Variants in MAML2 observed in about 807,000 individuals in gnomAD.
MAML2 encodes the protein mastermind like transcriptional coactivator 2.
In MAML2, 22 loss-of-function variants were observed where a neutral mutation model predicts 96.1. That is an observed-to-expected ratio of 0.23 (90% CI 0.16 to 0.33). The LOEUF (loss-of-function observed/expected upper bound fraction) is 0.33. MAML2 is among the 10% of genes least tolerant of loss of function. The probability of loss-of-function intolerance (pLI) is 1.00; values close to 1 mark genes in which losing one functional copy is unlikely to be tolerated. For synonymous variants in MAML2, 561 were observed against 521.3 expected, an observed-to-expected ratio of 1.08 and a Z score of -1.04; for missense variants, 1,367 against 1,392.4, an observed-to-expected ratio of 0.98 and a Z score of 0.29.
chr11:96,113,498 C>A (rs532601548), intron 1 of MAML2, among the ~76,000 whole-genome samples: 77 of 151,442 alleles, frequency 5.1e-4, no homozygotes, highest in African/African-American at 1.8e-3. Context: ...ACCAGCTTCC[C>A]TGAAGTAGAT....
At chr11:96,160,452 G>C (rs1861085696) in intron 1 of MAML2, among the ~76,000 whole-genome samples, 1 of 148,380 alleles carries the variant, frequency 6.7e-6, no homozygotes, top group Non-Finnish European at 1.5e-5. Context: ...TTTGGAGACA[G>C]AGTCTTACTC....
chr11:96,228,992 GTC>G (rs1229510916), intron 1 of MAML2, among the ~76,000 whole-genome samples: 2 of 151,154 alleles, frequency 1.3e-5, no homozygotes, highest in African/African-American at 4.9e-5. Flanking sequence ...ATGCTCCCTA[GTC>G]TCTCACCTCC....
intron 2 of MAML2, among the ~76,000 whole-genome samples, chr11:96,059,554 T>A (rs182410205): frequency 2.6e-5 from 4 of 152,260 alleles, no homozygotes; most frequent in Non-Finnish European, 5.9e-5. Flanking sequence ...AAGTTGAGTA[T>A]CCCTTATCTG....
At chr11:96,229,455 C>T (rs982779334) in intron 1 of MAML2, among the ~76,000 whole-genome samples, 7 of 150,668 alleles carry the variant, frequency 4.6e-5, no homozygotes, top group Admixed American at 4.6e-4. Flanking sequence ...TCTGAATCTC[C>T]ACTCTCTACC....
rs565665188 is a variant in MAML2, at chr11:96,171,922, A to T, written c.514-78405T>A. 2.4e-4 allele frequency among the ~76,000 whole-genome samples: 36 copies of T among 152,318 alleles called. No individual in the cohort carries two copies. In the South Asian group the frequency reaches 7.2e-3, roughly 31 times the overall value. ...TGGTGTCACAAGGGCTGGGATGCTA[A>T]CCCCTAAATCTGACAACTTTGGTGA... On this transcript the variant is annotated intron_variant, in intron 1 of 4. Coordinates refer to ENST00000524717, the MANE Select transcript of MAML2 (RefSeq NM_032427.4).
chr11:96,092,034 GGTT>G lies in MAML2; in HGVS notation c.1994_1996del (p.Gln665del). ...TAGAGATTGGGCAGGCTGAGAAGAT[GGTT>G]GTTGCTGCTGCTGCTGCTGCTGTTG... On this transcript the variant is annotated inframe_deletion, in exon 2 of 5. Coordinates refer to ENST00000524717, the MANE Select transcript of MAML2 (RefSeq NM_032427.4). This position sits in a 1 kb window ranked among gnomAD's most constrained non-coding sequence, Gnocchi z 4.1. 1 of 1,558,610 alleles carries G rather than the reference GGTT, an allele frequency of 6.4e-7. No homozygotes were observed. Among genetic ancestry groups the G allele is most frequent in the African/African-American group, 1.4e-5 (1 of 72,346 alleles).
intron 1 of MAML2, among the ~76,000 whole-genome samples, chr11:96,239,328 G>C (rs1862402072): frequency 6.6e-6 from 1 of 152,218 alleles, no homozygotes; most frequent in Non-Finnish European, 1.5e-5. Context: ...AGAGACGGAA[G>C]TGAATAGCTG....
intron 1 of MAML2, among the ~76,000 whole-genome samples, chr11:96,166,120 CTG>C (rs1340999666): frequency 2.0e-5 from 3 of 150,310 alleles, no homozygotes; most frequent in African/African-American, 7.3e-5. Flanking sequence ...CTCTTCCTCT[CTG>C]TCTCTCTTTC....
chr11:96,306,676 C>A (rs1343190063), intron 1 of MAML2, among the ~76,000 whole-genome samples: 1 of 152,140 alleles, frequency 6.6e-6, no homozygotes, highest in Non-Finnish European at 1.5e-5. Flanking sequence ...AAGAAACCTT[C>A]CCAAACTTAC....
chr11:96,146,039 T>C lies in MAML2; in HGVS notation c.514-52522A>G, dbSNP rs927400317. Among the ~76,000 whole-genome samples the C allele has an allele frequency of 3.3e-5, 5 of 152,254 alleles. No homozygotes were observed. In the East Asian group the frequency reaches 9.7e-4, roughly 29 times the overall value. ...AAAAAATTGTATACTTACACGTGTG[T>C]GTGCCACACACAAACATTGTGACAT... On this transcript the variant is annotated intron_variant, in intron 1 of 4. Transcript: ENST00000524717.
At chr11:96,334,762 G>A (rs528991072) in intron 1 of MAML2, among the ~76,000 whole-genome samples, 1 of 152,312 alleles carries the variant, frequency 6.6e-6, no homozygotes, top group East Asian at 1.9e-4. Flanking sequence ...CAATCTTGAC[G>A]TAAGAGTTTA....
intron 1 of MAML2, among the ~76,000 whole-genome samples, chr11:96,159,719 C>T (rs1236577821): frequency 3.3e-5 from 5 of 152,228 alleles, no homozygotes; most frequent in East Asian, 1.9e-4. Context: ...CGACCGCGCC[C>T]GGCCTAAACC....
At chr11:96,090,731 G>A (rs952802607) in intron 2 of MAML2, among the ~76,000 whole-genome samples, 7 of 152,174 alleles carry the variant, frequency 4.6e-5, no homozygotes, top group African/African-American at 1.7e-4. Context: ...TGTGCTTAGT[G>A]CATAACTTTT....
intron 1 of MAML2, among the ~76,000 whole-genome samples, chr11:96,227,585 T>A (rs953170535): frequency 6.6e-6 from 1 of 152,204 alleles, no homozygotes; most frequent in Non-Finnish European, 1.5e-5. Flanking sequence ...AATCTCACTA[T>A]CCAATTATGT....
intron 2 of MAML2, among the ~76,000 whole-genome samples, chr11:96,065,647 G>T (rs912564541): frequency 6.6e-6 from 1 of 152,206 alleles, no homozygotes; most frequent in Non-Finnish European, 1.5e-5. Context: ...TACAGTAACT[G>T]CTTGTCATAA....
rs555087152 is a variant in MAML2, at chr11:96,127,417, T to A, written c.514-33900A>T. ...GAAATGGAGAGTTGCCATAGTTACC[T>A]GAGTGAGCTGTTAAACAGAGCAGAG... On this transcript the variant is annotated intron_variant, in intron 1 of 4. Transcript: ENST00000524717. 2.0e-5 allele frequency among the ~76,000 whole-genome samples: 3 copies of A among 152,302 alleles called. No homozygotes were observed. In the East Asian group the frequency reaches 5.8e-4, roughly 29 times the overall value.
chr11:96,034,456 A>AGAGAGAGAGAGTGT (rs766634690), intron 2 of MAML2, among the ~76,000 whole-genome samples: 7 of 144,732 alleles, frequency 4.8e-5, no homozygotes, highest in Admixed American at 1.4e-4. Flanking sequence ...AGAGAGAGAG[A>AGAGAGAGAGAGTGT]GTGTGTGTGT....
At chr11:95,989,567 T>C (rs755762939) in intron 3 of MAML2, among the ~76,000 whole-genome samples, 2 of 152,196 alleles carry the variant, frequency 1.3e-5, no homozygotes, top group Non-Finnish European at 2.9e-5. Flanking sequence ...GATGAAAGTG[T>C]ACCCAGTAAG....
At chr11:96,117,003 G>A (rs1860255669) in intron 1 of MAML2, among the ~76,000 whole-genome samples, 1 of 152,140 alleles carries the variant, frequency 6.6e-6, no homozygotes, top group South Asian at 2.1e-4. Flanking sequence ...CATTAATTCA[G>A]GTATCTGAAT....
Sources: allele counts gnomAD v4.1 joint callset (sites outside exome capture counted in the v4.1 genomes callset), GRCh38; gene constraint gnomAD v4.1.1; non-coding constraint Gnocchi (gnomAD v3.1); transcripts MANE v1.5; gene names NCBI Gene and HGNC (gene_info 2026-07-23, HGNC 2026-07-21).